TMEM232: variants seen among roughly 807,000 people sequenced by gnomAD.
TMEM232 encodes transmembrane protein 232.
A neutral mutation model predicts 78.8 loss-of-function variants in TMEM232; 80 were observed. That is an observed-to-expected ratio of 1.01 (90% confidence interval 0.85 to 1.22). The LOEUF (loss-of-function observed/expected upper bound fraction) is 1.22. Among genes scored for constraint, TMEM232 ranks in the 50% most tolerant of loss-of-function variants. TMEM232 has a pLI of 0.00. For missense variants in TMEM232, 881 were observed against 742.2 expected (o/e 1.19, Z -2.17); for synonymous variants, 297 against 254.3 (o/e 1.17, Z -1.60).
At chr5:110,654,510 T>A (rs928397101) in intron 2 of TMEM232, among the ~76,000 whole-genome samples, 1 of 152,172 alleles carries the variant, frequency 6.6e-6, no homozygotes, top group Non-Finnish European at 1.5e-5. Context: ...TTGATCTATA[T>A]CTGTTTTGGT....
chr5:110,404,697 T>C lies in TMEM232; in HGVS notation n.309-6843A>G, dbSNP rs187365474. On this transcript the variant is annotated intron_variant and non_coding_transcript_variant, in intron 2 of 8. Transcript: ENST00000507188. ...TGACAAAATGGATAAGTAAACCTTA[T>C]TTTCTAAGGGGCGAAAAAGGAATTG... 1.1e-4 allele frequency among the ~76,000 whole-genome samples: 16 copies of C among 152,234 alleles called. 1 individual carries two copies. The highest frequency in any genetic ancestry group is 8.5e-4 in the Admixed American group (13 of 15,260).
In TMEM232 at chr5:110,609,341, C is replaced by A. The variant is rs1219453656; in HGVS notation, c.903-3054G>T. Among the ~76,000 whole-genome samples, 6 of 152,110 alleles carry A rather than the reference C, an allele frequency of 3.9e-5. No individual in the cohort carries two copies. The South Asian group carries it at 1.2e-3, about 32-fold the overall frequency. ...AATAAGGAGCACCCACATGCCACTT[C>A]TTGAAACACAGCAGCCTTGTTTTCC... On this transcript the variant is annotated intron_variant, in intron 8 of 13. Coordinates refer to ENST00000455884, the MANE Select transcript of TMEM232 (RefSeq NM_001039763.4).
At chr5:110,587,679 ATATATATATATATGTGTGTGTGTGTGTG>A (rs1581323904) in intron 10 of TMEM232, among the ~76,000 whole-genome samples, 1 of 98,730 alleles carries the variant, frequency 1.0e-5, no homozygotes, top group East Asian at 3.2e-4. Context: ...ATATATATAT[ATATATATATATATGTGTGTGTGTGTGTG>A]TGTGTGTGTG....
In TMEM232 at chr5:110,560,865, A is replaced by T. The variant is rs1775660663; in HGVS notation, c.1455+7582T>A. On this transcript the variant is annotated intron_variant, in intron 11 of 13. Transcript: ENST00000455884. Reference sequence around the variant, plus strand: ...TCTGAAAAACTAATTTAGCCCTTCAAATCTTCTCATATTTTCATAGCTGGT... The same window carrying T: ...TCTGAAAAACTAATTTAGCCCTTCATATCTTCTCATATTTTCATAGCTGGT... 2.0e-5 allele frequency among the ~76,000 whole-genome samples: 3 copies of T among 152,256 alleles called. No individual in the cohort carries two copies. In the South Asian group the frequency reaches 6.2e-4, roughly 32 times the overall value.
intron 12 of TMEM232, among the ~76,000 whole-genome samples, chr5:110,442,497 C>A (rs1420493984): frequency 6.6e-6 from 1 of 152,018 alleles, no homozygotes; most frequent in Non-Finnish European, 1.5e-5. Context: ...TTTTGTTAAA[C>A]TTATCTGATA....
chr5:110,621,666 A>T (rs1377686732), intron 7 of TMEM232, among the ~76,000 whole-genome samples: 2 of 151,930 alleles, frequency 1.3e-5, no homozygotes, highest in Non-Finnish European at 2.9e-5. Context: ...CACCCAGAGA[A>T]CTTTTTTCCC....
chr5:110,659,356 T>C (rs1427420993), intron 2 of TMEM232, among the ~76,000 whole-genome samples: 2 of 152,058 alleles, frequency 1.3e-5, no homozygotes, highest in Admixed American at 6.6e-5. Context: ...ACTGAGAAGA[T>C]TGGTCCCAAC....
intron 10 of TMEM232, among the ~76,000 whole-genome samples, chr5:110,578,680 AG>A (rs1777835261): frequency 6.6e-6 from 1 of 151,984 alleles, no homozygotes; most frequent in African/African-American, 2.4e-5. Context: ...ACTGATTAGA[AG>A]GGATCTCTTT....
chr5:110,489,469 G>A (rs1278236676), intron 12 of TMEM232, among the ~76,000 whole-genome samples: 1 of 151,926 alleles, frequency 6.6e-6, no homozygotes, highest in African/African-American at 2.4e-5. Flanking sequence ...TTTATAATAA[G>A]AGAACACTTA....
chr5:110,486,271 C>G (rs1333761623), intron 12 of TMEM232, among the ~76,000 whole-genome samples: 1 of 151,776 alleles, frequency 6.6e-6, no homozygotes, highest in Non-Finnish European at 1.5e-5. Flanking sequence ...TGTGGGTTGT[C>G]TGTTTACTCT....
Position 110,618,439 on chromosome 5 carries a change from T to C in TMEM232, c.892A>G (p.Lys298Glu). 1 of 1,550,484 alleles carries C rather than the reference T, an allele frequency of 6.4e-7. No individual in the cohort carries two copies. The highest frequency in any genetic ancestry group is 1.2e-5 in the South Asian group (1 of 83,696). Residue 298 changes from lysine (K) to glutamate (E), a missense_variant, in exon 8 of 14, where the codon AAG (lysine) becomes GAG (glutamate). Lys to Glu is a moderately conservative substitution (Grantham distance 56, BLOSUM62 1). Transcript: ENST00000455884. The part of the protein sequence containing the change: ...HLVFHKTQLQ[K>E]KCWLDSVLAL... The stretch of plus-strand genomic sequence containing the variant: ...TAGGATCACTCTTACCAGCATTTCT[T>C]TTGAAGCTGTGTCTTATGGAAGACG...
In TMEM232 at chr5:110,420,314, T is replaced by C. The variant is rs888384974; in HGVS notation, c.*266A>G. The C allele has an allele frequency of 3.7e-6, 1 of 272,188 alleles. No individual in the cohort carries two copies. The allele number at this position is 272,188 out of a possible 1,614,324, so 16.9% of individuals were successfully genotyped here. On this transcript the variant is annotated 3_prime_UTR_variant, in exon 14 of 14. Transcript: ENST00000455884. ...TGTACAATCATGAGATAAAGGTCAA[T>C]TGAGAAAAATACTAGATGTAGTCTT...
intron 8 of TMEM232, among the ~76,000 whole-genome samples, chr5:110,614,119 AT>A: frequency 6.6e-6 from 1 of 152,178 alleles, no homozygotes; most frequent in South Asian, 2.1e-4. Context: ...TTTCCTTTCT[AT>A]TATGAGCAGT....
At chr5:110,514,925 G>C (rs1434344913) in intron 12 of TMEM232, among the ~76,000 whole-genome samples, 1 of 152,090 alleles carries the variant, frequency 6.6e-6, no homozygotes, top group Non-Finnish European at 1.5e-5. Flanking sequence ...TGAAAATCAA[G>C]TTCTAAAAAT....
chr5:110,652,784 T>A (rs996737102), intron 2 of TMEM232, among the ~76,000 whole-genome samples: 2 of 152,148 alleles, frequency 1.3e-5, no homozygotes, highest in African/African-American at 4.8e-5. Context: ...TACAGGCATT[T>A]CAAAAAACAG....
chr5:110,700,329 T>C (rs187633050), intron 1 of TMEM232, among the ~76,000 whole-genome samples: 2 of 152,174 alleles, frequency 1.3e-5, no homozygotes, highest in East Asian at 1.9e-4. Context: ...CAACCTTTCT[T>C]AACAGATTGG....
At chr5:110,541,732 G>C (rs887695364) in intron 11 of TMEM232, among the ~76,000 whole-genome samples, 1 of 152,042 alleles carries the variant, frequency 6.6e-6, no homozygotes. Context: ...TACCCCTAGA[G>C]CAAAAATTAA....
chr5:110,564,331 T>C (rs886836329), intron 11 of TMEM232, among the ~76,000 whole-genome samples: 6 of 151,978 alleles, frequency 3.9e-5, no homozygotes, highest in African/African-American at 7.2e-5. Flanking sequence ...GGATGCCATA[T>C]GGATAAAGCA....
intron 8 of TMEM232, among the ~76,000 whole-genome samples, 155 bp downstream of exon 8, chr5:110,618,274 T>TA: frequency 6.6e-6 from 1 of 152,320 alleles, no homozygotes; most frequent in African/African-American, 2.4e-5. Flanking sequence ...GAATTAATAC[T>TA]AAACATGTAA....
Sources: allele counts gnomAD v4.1 joint callset (sites outside exome capture counted in the v4.1 genomes callset), GRCh38; gene constraint gnomAD v4.1.1; transcripts MANE v1.5; gene names NCBI Gene and HGNC (gene_info 2026-07-23, HGNC 2026-07-21).